Variants in MYO3B observed in about 807,000 individuals in gnomAD.
The protein encoded by MYO3B is myosin IIIB.
A neutral mutation model predicts 174.6 loss-of-function variants in MYO3B; 156 were observed. That is an observed-to-expected ratio of 0.89 (90% confidence interval 0.78 to 1.02). MYO3B has a LOEUF of 1.02. Ranked by LOEUF, MYO3B falls within the 50% of genes least tolerant of loss-of-function variation. The pLI, the probability that MYO3B is intolerant of heterozygous loss-of-function variation, is 0.00. For missense variants in MYO3B, 1,632 were observed against 1,639.4 expected, an observed-to-expected ratio of 1.00 and a Z score of 0.08; for synonymous variants, 563 against 569.1, an observed-to-expected ratio of 0.99 and a Z score of 0.15.
In MYO3B at chr2:170,390,959, C is replaced by T. The variant is rs373304132; in HGVS notation, c.1578-561C>T. 7.1e-4 allele frequency among the ~76,000 whole-genome samples: 108 copies of T among 152,216 alleles called. No individual in the cohort carries two copies. In the South Asian group the frequency reaches 0.022, roughly 32 times the overall value. ...CCACAGGCTATGCTCAGAGTAGCAC[C>T]TATCTGAAAGGACCCTGGCCAGGGT... On this transcript the variant is annotated intron_variant, in intron 14 of 34. Coordinates refer to ENST00000408978, the MANE Select transcript of MYO3B (RefSeq NM_138995.5).
intron 30 of MYO3B, among the ~76,000 whole-genome samples, chr2:170,532,816 CAAA>C (rs35190722): frequency 1.3e-4 from 11 of 85,284 alleles, no homozygotes; most frequent in Non-Finnish European, 1.9e-4. Flanking sequence ...AACTCTGTCT[CAAA>C]AAAAAAAAAA....
intron 6 of MYO3B, among the ~76,000 whole-genome samples, chr2:170,227,247 T>G (rs1038912824): frequency 6.6e-6 from 1 of 152,166 alleles, no homozygotes; most frequent in African/African-American, 2.4e-5. Flanking sequence ...TAGTGTTTCT[T>G]GTGCTCTATT....
At chr2:170,605,816 T>G (rs910152048) in intron 32 of MYO3B, among the ~76,000 whole-genome samples, 3 of 151,916 alleles carry the variant, frequency 2.0e-5, no homozygotes, top group African/African-American at 7.3e-5. Flanking sequence ...GCTGAGATCA[T>G]GCTACTGCAC....
chr2:170,628,485 T>G (rs1349471792), intron 32 of MYO3B, among the ~76,000 whole-genome samples: 1 of 152,216 alleles, frequency 6.6e-6, no homozygotes, highest in African/African-American at 2.4e-5. Context: ...CCCTGACCCC[T>G]TGTGCTTCCT....
At chr2:170,381,047 A>G (rs6752929) in intron 9 of MYO3B, among the ~76,000 whole-genome samples, 96,222 of 152,044 alleles carry the variant, frequency 0.63, 31,490 homozygotes, top group Non-Finnish European at 0.72. Context: ...CTTGAGCCCA[A>G]GAGTTTGAGG....
chr2:170,250,838 C>A (rs1056147377), intron 7 of MYO3B, among the ~76,000 whole-genome samples: 2 of 151,842 alleles, frequency 1.3e-5, no homozygotes, highest in Non-Finnish European at 2.9e-5. Context: ...GGCTGTCTAG[C>A]GGCCGACTCT....
intron 23 of MYO3B, among the ~76,000 whole-genome samples, chr2:170,454,172 C>T (rs1402551616): frequency 2.0e-5 from 3 of 152,202 alleles, no homozygotes; most frequent in Non-Finnish European, 4.4e-5. Flanking sequence ...CTCCTATTCT[C>T]CATCTGAGAA....
chr2:170,186,152 G>A (rs2092459744), intron 1 of MYO3B, among the ~76,000 whole-genome samples: 1 of 152,138 alleles, frequency 6.6e-6, no homozygotes, highest in South Asian at 2.1e-4. Flanking sequence ...CTTTAGCAAG[G>A]ACTTCCAGGA....
At chr2:170,402,769 C>A (rs2094486086) in intron 18 of MYO3B, 79 bp from the exon 19 acceptor site, 1 of 1,364,338 alleles carries the variant, frequency 7.3e-7, no homozygotes, top group Non-Finnish European at 9.8e-7. Flanking sequence ...AGCTGATAAG[C>A]ACTTGGGCAC....
At chr2:170,390,813 C>T (rs185270787) in intron 14 of MYO3B, among the ~76,000 whole-genome samples, 6 of 152,220 alleles carry the variant, frequency 3.9e-5, no homozygotes, top group Non-Finnish European at 5.9e-5. Flanking sequence ...TTGTAAAATG[C>T]AATGCAAATT....
At chr2:170,349,481 T>C (rs965377881) in intron 8 of MYO3B, 5 of 152,056 alleles carry the variant, frequency 3.3e-5, no homozygotes, top group Non-Finnish European at 5.9e-5. Flanking sequence ...ACGAATTCTT[T>C]AGAGGAAGTG....
chr2:170,580,718 A>ATATGTGTGTGTGTGTG (rs768974458), intron 32 of MYO3B, among the ~76,000 whole-genome samples: 4 of 142,702 alleles, frequency 2.8e-5, no homozygotes, highest in African/African-American at 5.2e-5. Flanking sequence ...AACCTTATAT[A>ATATGTGTGTGTGTGTG]TGTGTGTGTG....
intron 32 of MYO3B, among the ~76,000 whole-genome samples, chr2:170,574,800 CT>C (rs1301784602): frequency 6.6e-6 from 1 of 152,082 alleles, no homozygotes; most frequent in African/African-American, 2.4e-5. Context: ...CAAAGAAAAT[CT>C]TTTAGTTCCT....
intron 28 of MYO3B, among the ~76,000 whole-genome samples, chr2:170,509,693 A>T (rs1182824220): frequency 6.6e-6 from 1 of 151,970 alleles, no homozygotes; most frequent in Admixed American, 6.6e-5. Flanking sequence ...TGTCCCCCTC[A>T]CTAGTTTGAG....
chr2:170,563,525 GCTCT>G (rs1691877634), intron 32 of MYO3B, among the ~76,000 whole-genome samples: 1 of 152,054 alleles, frequency 6.6e-6, no homozygotes, highest in Non-Finnish European at 1.5e-5. Flanking sequence ...TCCTGATAGG[GCTCT>G]CTATTGGCCA....
At chr2:170,431,544 A>C (rs943063712) in intron 22 of MYO3B, among the ~76,000 whole-genome samples, 1 of 152,202 alleles carries the variant, frequency 6.6e-6, no homozygotes, top group Non-Finnish European at 1.5e-5. Flanking sequence ...CTAAAGAAAA[A>C]AGTCAGTGAA....
At chr2:170,315,742 A>G (rs1286983668) in intron 7 of MYO3B, among the ~76,000 whole-genome samples, 1 of 152,226 alleles carries the variant, frequency 6.6e-6, no homozygotes, top group African/African-American at 2.4e-5. Flanking sequence ...TACCATTGCT[A>G]TCGCATTTTA....
chr2:170,238,999 T>A (rs1026299670), intron 7 of MYO3B, among the ~76,000 whole-genome samples: 1 of 152,234 alleles, frequency 6.6e-6, no homozygotes, highest in African/African-American at 2.4e-5. Context: ...ACCTGCTGAT[T>A]GGCAGAGCAT....
intron 7 of MYO3B, among the ~76,000 whole-genome samples, chr2:170,306,191 AGTAG>A (rs1164372689): frequency 6.6e-6 from 1 of 152,154 alleles, no homozygotes; most frequent in Non-Finnish European, 1.5e-5. Flanking sequence ...AGGCTCCAAG[AGTAG>A]GCATTCAAAG....
Sources: allele counts gnomAD v4.1 joint callset (sites outside exome capture counted in the v4.1 genomes callset), GRCh38; gene constraint gnomAD v4.1.1; transcripts MANE v1.5; gene names NCBI Gene and HGNC (gene_info 2026-07-23, HGNC 2026-07-21).